Variants in WFDC8 observed in about 807,000 individuals in gnomAD.
WFDC8 encodes WAP four-disulfide core domain protein 8.
WFDC8 carries 24 observed loss-of-function variants against 27.0 expected under a neutral mutation model. The observed-to-expected ratio is 0.89, with a 90% CI of 0.64 to 1.25. The LOEUF is 1.25. Ranked by LOEUF, WFDC8 falls within the 50% of genes most tolerant of loss-of-function variation. The pLI is 0.00. For synonymous variants in WFDC8, 106 were observed against 99.7 expected (o/e 1.06, Z -0.38); for missense variants, 287 against 295.9 (o/e 0.97, Z 0.22).
At chr20:45,564,920 G>C (rs1001671993) in intron 1 of WFDC8, among the ~76,000 whole-genome samples, 3 of 145,652 alleles carry the variant, frequency 2.1e-5, no homozygotes, top group African/African-American at 7.7e-5. Context: ...AAAGAAGAAA[G>C]AGAGAGTGAA....
intron 3 of WFDC8, 23 bp downstream of exon 3, chr20:45,558,829 G>C (rs1171423998): frequency 2.5e-6 from 4 of 1,613,644 alleles, no homozygotes; most frequent in African/African-American, 1.3e-5. Flanking sequence ...GGGAACCTCT[G>C]TCCTCAGCCT....
chr20:45,552,909 A>G (rs192230493), intron 5 of WFDC8, among the ~76,000 whole-genome samples: 31 of 152,342 alleles, frequency 2.0e-4, no homozygotes, highest in Admixed American at 1.3e-3. Context: ...TTCTTGGGGA[A>G]GAATAGAGAG....
At chr20:45,558,779 A>G in intron 3 of WFDC8, 73 bp downstream of exon 3, 3 of 1,586,390 alleles carry the variant, frequency 1.9e-6, no homozygotes, top group Non-Finnish European at 2.6e-6. Flanking sequence ...CCTGCCATCC[A>G]AGGGAATCCC....
chr20:45,577,968 C>T (rs1415744492), intron 1 of WFDC8, among the ~76,000 whole-genome samples: 2 of 150,250 alleles, frequency 1.3e-5, no homozygotes, highest in Non-Finnish European at 3.0e-5. Context: ...GATCACACCA[C>T]TATGCTCCAG....
At chr20:45,556,189 T>C (rs1255769280) in intron 3 of WFDC8, among the ~76,000 whole-genome samples, 1 of 152,260 alleles carries the variant, frequency 6.6e-6, no homozygotes, top group East Asian at 1.9e-4. Flanking sequence ...ATTAGGTTGA[T>C]GCAAAAGTAA....
At chr20:45,574,755 G>A (rs1980987856) in intron 1 of WFDC8, among the ~76,000 whole-genome samples, 2 of 152,186 alleles carry the variant, frequency 1.3e-5, no homozygotes, top group South Asian at 4.1e-4. Flanking sequence ...CCAAGATCGT[G>A]CCGCTGCACT....
intron 2 of WFDC8, among the ~76,000 whole-genome samples, 182 bp downstream of exon 2, chr20:45,561,928 A>ATCGGG (rs1980485775): frequency 6.6e-6 from 1 of 152,068 alleles, no homozygotes; most frequent in Admixed American, 6.6e-5. Context: ...TAGGGAAATA[A>ATCGGG]TTTGGGGGGA....
chr20:45,557,927 T>A lies in WFDC8; in HGVS notation c.277+925A>T, dbSNP rs901454582. Among the ~76,000 whole-genome samples the A allele has an allele frequency of 2.6e-5, 4 of 152,280 alleles. No homozygotes were observed. The East Asian group carries it at 7.7e-4, about 29-fold the overall frequency. ...AGCCACATGGATTCTCTGTTGGACA[T>A]TTAAAAAATCTCCTAGAACATCTGT... On this transcript the variant is annotated intron_variant, in intron 3 of 5. Coordinates refer to ENST00000289953, the MANE Select transcript of WFDC8 (RefSeq NM_130896.3).
intron 1 of WFDC8, 43 bp downstream of exon 1, chr20:45,579,179 C>T (rs762565304): frequency 2.5e-6 from 4 of 1,604,996 alleles, no homozygotes; most frequent in African/African-American, 1.3e-5. Context: ...TGGGCTCAGA[C>T]CCTCCATGTC....
At chr20:45,569,593 T>C (rs770575584) in intron 1 of WFDC8, among the ~76,000 whole-genome samples, 3 of 152,194 alleles carry the variant, frequency 2.0e-5, no homozygotes, top group Non-Finnish European at 4.4e-5. Context: ...ATTGCCTAGG[T>C]TGTCTTTCAG....
At chr20:45,567,245 A>G (rs982255299) in intron 1 of WFDC8, among the ~76,000 whole-genome samples, 2 of 152,240 alleles carry the variant, frequency 1.3e-5, no homozygotes, top group African/African-American at 4.8e-5. Flanking sequence ...ATTCACTGAC[A>G]TAAGTGTAAG....
Position 45,552,072 on chromosome 20 carries a change from T to G in WFDC8, c.680A>C (p.Lys227Thr). The change falls in exon 6 of 6, where the codon AAG becomes ACG. Residue 227 changes from lysine (K) to threonine (T), a missense_variant. Transcript: ENST00000289953. ...LQDEECPLVE[K>T]CCSHCGLKCM... is the part of the protein sequence containing the mutation. The stretch of plus-strand genomic sequence containing the variant: ...TTTCAGTCCACAATGTGAGCAGCAC[T>G]TTTCCACCAATGGGCACTCCTCATC... 1.2e-6 allele frequency: 2 copies of G among 1,614,146 alleles called. No homozygotes were observed. The highest frequency in any genetic ancestry group is 8.5e-7 in the Non-Finnish European group (1 of 1,179,968).
intron 1 of WFDC8, among the ~76,000 whole-genome samples, chr20:45,578,539 T>C (rs568594673): frequency 3.0e-4 from 45 of 151,334 alleles, no homozygotes; most frequent in African/African-American, 1.1e-3. Context: ...AAACTCACAG[T>C]GCAAAACTCA....
chr20:45,551,996 AT>A lies in WFDC8; in HGVS notation c.*29del. 6.2e-7 allele frequency: 1 copy of A among 1,610,798 alleles called. No homozygotes were observed. The highest frequency in any genetic ancestry group is 8.5e-7 in the Non-Finnish European group (1 of 1,178,302). The stretch of plus-strand genomic sequence containing the variant: ...TTTATCATGCTACTCATAATTAATG[AT>A]TTTGATGATAATATTTTCTACTTAC... On this transcript the variant is annotated 3_prime_UTR_variant, in exon 6 of 6. Coordinates refer to ENST00000289953, the MANE Select transcript of WFDC8 (RefSeq NM_130896.3).
chr20:45,573,624 G>T (rs1980944817), intron 1 of WFDC8, among the ~76,000 whole-genome samples: 1 of 152,132 alleles, frequency 6.6e-6, no homozygotes, highest in Non-Finnish European at 1.5e-5. Flanking sequence ...TGCTGCAAAA[G>T]ACATTATTTC....
At chr20:45,578,975 C>T (rs541643690) in intron 1 of WFDC8, among the ~76,000 whole-genome samples, 129 of 152,044 alleles carry the variant, frequency 8.5e-4, no homozygotes, top group Admixed American at 2.8e-3. Context: ...AGCGTGGTGG[C>T]GCACACCTGT....
intron 1 of WFDC8, among the ~76,000 whole-genome samples, chr20:45,577,120 C>T (rs1055392615): frequency 6.6e-6 from 1 of 151,472 alleles, no homozygotes; most frequent in Non-Finnish European, 1.5e-5. Flanking sequence ...CAAGGCAACG[C>T]TCTGCTTGTT....
intron 1 of WFDC8, among the ~76,000 whole-genome samples, chr20:45,576,734 A>T (rs2145579724): frequency 6.6e-6 from 1 of 150,620 alleles, no homozygotes; most frequent in Non-Finnish European, 1.5e-5. Flanking sequence ...ATCAAACTAT[A>T]CTCTCTCTTC....
At chr20:45,557,668 GGT>G in intron 3 of WFDC8, among the ~76,000 whole-genome samples, 1 of 152,148 alleles carries the variant, frequency 6.6e-6, no homozygotes, top group East Asian at 1.9e-4. Flanking sequence ...CCTGACATCA[GGT>G]GATCCACCCG....
Sources: allele counts gnomAD v4.1 joint callset (sites outside exome capture counted in the v4.1 genomes callset), GRCh38; gene constraint gnomAD v4.1.1; transcripts MANE v1.5; gene names NCBI Gene and HGNC (gene_info 2026-07-23, HGNC 2026-07-21).